CARHSP1: variants seen among roughly 807,000 people sequenced by gnomAD.
The protein encoded by CARHSP1 is calcium regulated heat stable protein 1, also known as calcium-regulated heat-stable protein 1.
A neutral mutation model predicts 12.5 loss-of-function variants in CARHSP1; 14 were observed. That is an observed-to-expected ratio of 1.12 (90% CI 0.74 to 1.75). The LOEUF is 1.75. CARHSP1 is among the 40% of genes most tolerant of loss of function. The pLI is 0.00. For synonymous variants in CARHSP1, 161 were observed against 82.0 expected, an observed-to-expected ratio of 1.96 and a Z score of -5.20; for missense variants, 343 against 201.6, an observed-to-expected ratio of 1.70 and a Z score of -4.25.
chr16:8,862,269 G>A (rs1300153978), intron 1 of CARHSP1, among the ~76,000 whole-genome samples: 1 of 151,870 alleles, frequency 6.6e-6, no homozygotes, highest in Non-Finnish European at 1.5e-5. Flanking sequence ...CTGGAAAATG[G>A]GAATTATAAT....
chr16:8,867,693 C>G (rs962349077), intron 1 of CARHSP1: 5 of 152,436 alleles, frequency 3.3e-5, no homozygotes, highest in Non-Finnish European at 5.9e-5. Context: ...AAGGGACCAG[C>G]ATCGAGAACT....
rs753415347 is a variant in CARHSP1 at position 8,859,383 on chromosome 16, A to T, written c.-7-48T>A. 2.0e-6 allele frequency: 3 copies of T among 1,536,074 alleles called. No individual in the cohort carries two copies. The Admixed American group carries it at 5.6e-5, about 29-fold the overall frequency. On this transcript the variant is annotated intron_variant, in intron 1 of 3. Transcript: ENST00000311052. ...GGGGCTCGTGCCTTGCAAGGTAGGG[A>T]CCCTGTGCTTACCCCCATGTCCACG... is the stretch of plus-strand genomic sequence containing the variant.
At chr16:8,858,494 C>T (rs370379867) in intron 2 of CARHSP1, 22 bp from the exon 3 acceptor site, 1 of 1,611,516 alleles carries the variant, frequency 6.2e-7, no homozygotes, top group African/African-American at 1.3e-5. Flanking sequence ...GGGGAAATGT[C>T]AGGGGCCCCA....
chr16:8,866,670 G>T (rs1408065628), intron 1 of CARHSP1, among the ~76,000 whole-genome samples: 1 of 151,932 alleles, frequency 6.6e-6, no homozygotes, highest in Non-Finnish European at 1.5e-5. Context: ...GGAGAGCGGG[G>T]GGTCTGGCGA....
intron 1 of CARHSP1, chr16:8,860,034 A>T (rs997393649): frequency 1.1e-5 from 6 of 545,388 alleles, no homozygotes; most frequent in Non-Finnish European, 1.4e-5. Flanking sequence ...ATCCAAACTC[A>T]GCCACTCCAC....
intron 1 of CARHSP1, among the ~76,000 whole-genome samples, chr16:8,864,368 A>G (rs1365054022): frequency 6.6e-6 from 1 of 152,156 alleles, no homozygotes; most frequent in African/African-American, 2.4e-5. Context: ...GAACTCTGCC[A>G]CTTCCTATTG....
At chr16:8,860,647 T>G (rs2061324934) in intron 1 of CARHSP1, 3 of 168,572 alleles carry the variant, frequency 1.8e-5, no homozygotes, top group Non-Finnish European at 2.5e-5. Flanking sequence ...CGAGATGAAG[T>G]AGGGAGAAGC....
At chr16:8,861,129 G>C (rs1343645373) in intron 1 of CARHSP1, among the ~76,000 whole-genome samples, 2 of 140,662 alleles carry the variant, frequency 1.4e-5, no homozygotes, top group Non-Finnish European at 3.1e-5. Context: ...CATAATCACA[G>C]TTCACTGTAG....
chr16:8,864,512 C>T lies in CARHSP1; in HGVS notation c.-8+4454G>A, dbSNP rs146025210. Among the ~76,000 whole-genome samples the T allele has an allele frequency of 4.6e-3, 706 of 152,330 alleles. 1 individual carries two copies. The highest frequency in any genetic ancestry group is 0.01 in the Middle Eastern group (3 of 294). ...TATCCCCATTTCACTAATGGGAGAA[C>T]GGAGACACAAAGAGTCAAGTAACTT... On this transcript the variant is annotated intron_variant, in intron 1 of 3. Coordinates refer to ENST00000311052, the MANE Select transcript of CARHSP1 (RefSeq NM_014316.4).
Position 8,858,331 on chromosome 16 carries a change from A to C in CARHSP1, c.281+19T>G. The C allele has an allele frequency of 1.9e-6, 3 of 1,611,666 alleles. No individual in the cohort carries two copies. The highest frequency in any genetic ancestry group is 1.1e-5 in the South Asian group (1 of 90,988). On this transcript the variant is annotated intron_variant, in intron 3 of 3. Transcript: ENST00000311052. ...AGCGCCCACCCCAGCCAGGCCACCCAGACCTGCCGCTGACTCACTCAGAGA... is the reference window on the plus strand; with the variant it reads ...AGCGCCCACCCCAGCCAGGCCACCCCGACCTGCCGCTGACTCACTCAGAGA...
At chr16:8,863,277 C>T (rs374385923) in intron 1 of CARHSP1, among the ~76,000 whole-genome samples, 1 of 146,314 alleles carries the variant, frequency 6.8e-6, no homozygotes, top group East Asian at 2.0e-4. Context: ...CGTGCCACCA[C>T]AACCAGCTCA....
chr16:8,858,789 C>CT, intron 2 of CARHSP1: 1 of 434,670 alleles, frequency 2.3e-6, no homozygotes. Context: ...GCATCCTCCA[C>CT]TCGCAAGGCC....
chr16:8,867,087 C>A (rs1365380823), intron 1 of CARHSP1, among the ~76,000 whole-genome samples: 2 of 152,150 alleles, frequency 1.3e-5, no homozygotes, highest in African/African-American at 4.8e-5. Flanking sequence ...GTCACCCCAC[C>A]GCCACCACCC....
chr16:8,861,720 G>C, intron 1 of CARHSP1: 1 of 1,288,106 alleles, frequency 7.8e-7, no homozygotes, highest in Non-Finnish European at 1.0e-6. Context: ...CCTGAGTCCG[G>C]GGAGCCCCCA....
Position 8,860,052 on chromosome 16 carries a change from C to A in CARHSP1, c.-7-717G>T, listed in dbSNP as rs148609305. ...CAAACTCAGCCACTCCACGGACCCT[C>A]CCTGACGCTGCTGGGAGCCAGACAC... On this transcript the variant is annotated intron_variant, in intron 1 of 3. Coordinates refer to ENST00000311052, the MANE Select transcript of CARHSP1 (RefSeq NM_014316.4). 3.0e-5 allele frequency: 23 copies of A among 774,734 alleles called. No individual in the cohort carries two copies. In the African/African-American group the frequency reaches 3.7e-4, roughly 13 times the overall value. The allele number at this position is 774,734 out of a possible 1,614,324, so 48.0% of individuals were successfully genotyped here.
rs769812608 is a variant in CARHSP1, at chr16:8,859,129, A to G, written c.158+42T>C. ...CAGTGAATCTCTGGCCTCAGGCAAG[A>G]GATCCATCTGAGAACGCGTCCCCAG... On this transcript the variant is annotated intron_variant, in intron 2 of 3. Coordinates refer to ENST00000311052, the MANE Select transcript of CARHSP1 (RefSeq NM_014316.4). 4.6e-6 allele frequency: 7 copies of G among 1,530,440 alleles called. No homozygotes were observed. In the South Asian group the frequency reaches 8.5e-5, roughly 19 times the overall value. 94.8% of individuals were successfully genotyped at this position (1,530,440 alleles called of 1,614,324 possible).
In CARHSP1 at chr16:8,858,343, G is replaced by A; in HGVS notation, c.281+7C>T. On this transcript the variant is annotated splice_region_variant and intron_variant, in intron 3 of 3. Transcript: ENST00000311052. The stretch of plus-strand genomic sequence containing the variant: ...AGCCAGGCCACCCAGACCTGCCGCT[G>A]ACTCACTCAGAGATGTGCAGGAAGA... The A allele has an allele frequency of 6.2e-7, 1 of 1,613,130 alleles. No individual in the cohort carries two copies. The highest frequency in any genetic ancestry group is 8.5e-7 in the Non-Finnish European group (1 of 1,179,890).
rs954059643 is a variant in CARHSP1, at chr16:8,853,092, G to A, written c.*2072C>T. 8 of 152,052 alleles carry A rather than the reference G, an allele frequency of 5.3e-5. No homozygotes were observed. The highest frequency in any genetic ancestry group is 6.6e-5 in the Admixed American group (1 of 15,258). 9.4% of individuals were successfully genotyped at this position (152,052 alleles called of 1,614,324 possible). A position where few individuals can be genotyped will look rare whatever the true frequency, so the allele number is the denominator to read the frequency against. On this transcript the variant is annotated 3_prime_UTR_variant, in exon 4 of 4. Transcript: ENST00000311052. ...CGAGGAGTTTCCCCTTGTGTAAACC[G>A]GTATCGCGTCCCTTCCAGCTCTGAC...
At chr16:8,864,144 T>G (rs1436903586) in intron 1 of CARHSP1, among the ~76,000 whole-genome samples, 1 of 152,242 alleles carries the variant, frequency 6.6e-6, no homozygotes, top group African/African-American at 2.4e-5. Context: ...TGCACAGGTA[T>G]GTAGGTGTAT....
Sources: allele counts gnomAD v4.1 joint callset (sites outside exome capture counted in the v4.1 genomes callset), GRCh38; gene constraint gnomAD v4.1.1; transcripts MANE v1.5; gene names NCBI Gene and HGNC (gene_info 2026-07-23, HGNC 2026-07-21).